The following NRK variants were observed in gnomAD, a reference collection of about 807,000 sequenced individuals.
NRK encodes the protein Nik related kinase.
In NRK, 67 loss-of-function variants were observed where a neutral mutation model predicts 125.2. The observed-to-expected ratio is 0.54, with a 90% CI of 0.44 to 0.66. The LOEUF (loss-of-function observed/expected upper bound fraction) is 0.66, where lower values mean the gene tolerates loss of function less well. Ranked by LOEUF, NRK falls within the 30% of genes least tolerant of loss-of-function variation. NRK has a pLI of 0.00. For missense variants in NRK, 1,224 were observed against 1,192.9 expected (o/e 1.03, Z -0.38); for synonymous variants, 458 against 429.0 (o/e 1.07, Z -0.84).
Position 105,934,308 on chromosome X carries a change from A to G in NRK, c.3363A>G (p.Ala1121=). ...CAAATGCCATTGACTCAGGTGCTGCACCGTCAGCACCTGATCATGAGAGTG... is the reference window on the plus strand; with the variant it reads ...CAAATGCCATTGACTCAGGTGCTGCGCCGTCAGCACCTGATCATGAGAGTG... The part of the protein sequence containing the change: ...EASNAIDSGA[A]PSAPDHESDN... Residue 1121 remains alanine, a synonymous_variant, in exon 20 of 29, where the codon GCA becomes GCG. Coordinates refer to ENST00000243300, the MANE Select transcript of NRK (RefSeq NM_198465.4). 10 of 1,181,267 alleles carry G rather than the reference A, an allele frequency of 8.5e-6. No homozygotes were observed. Among genetic ancestry groups the G allele is most frequent in the Non-Finnish European group, 1.1e-5 (10 of 872,707 alleles).
chrX:105,850,448 A>G (rs780846868), intron 2 of NRK, among the ~76,000 whole-genome samples: 7 of 112,248 alleles, frequency 6.2e-5, no homozygotes, highest in East Asian at 2.8e-4. Flanking sequence ...GCTCCTTGTT[A>G]CTTATGCAAA....
intron 5 of NRK, among the ~76,000 whole-genome samples, chrX:105,891,443 TTAG>T (rs1174530573): frequency 1.8e-5 from 2 of 112,270 alleles, no homozygotes; most frequent in Non-Finnish European, 3.8e-5. Context: ...CATGTCCAAG[TTAG>T]TAGTATTTTT....
At chrX:105,895,567 G>A in intron 7 of NRK, 44 bp downstream of exon 7, 1 of 823,873 alleles carries the variant, frequency 1.2e-6, no homozygotes, top group Non-Finnish European at 1.8e-6. Flanking sequence ...ACATCTTAAT[G>A]GAGAAAGCTC....
Position 105,924,793 on chromosome X carries a change from A to G in NRK, c.3074A>G (p.Asn1025Ser), listed in dbSNP as rs1363171684. 6 of 1,210,060 alleles carry G rather than the reference A, an allele frequency of 5.0e-6. No individual in the cohort carries two copies. The highest frequency in any genetic ancestry group is 6.7e-6 in the Non-Finnish European group (6 of 894,435). The change falls in exon 19 of 29, where the codon AAT (asparagine) becomes AGT (serine). Residue 1025 changes from asparagine (N) to serine (S), a missense_variant. Coordinates refer to ENST00000243300, the MANE Select transcript of NRK (RefSeq NM_198465.4). ...AGAGGCTATGGAAGCCATACAGCCA[A>G]TAGAAGCCATGGAGGAAGTGCAGCC... The part of the protein sequence containing the change: ...AYRGYGSHTA[N>S]RSHGGSAASE...
chrX:105,831,865 C>T (rs1344650513), intron 2 of NRK, among the ~76,000 whole-genome samples: 1 of 111,875 alleles, frequency 8.9e-6, no homozygotes, highest in East Asian at 2.8e-4. Flanking sequence ...GCGTAATGTA[C>T]AGACTTTTGT....
At chrX:105,854,856 T>C (rs1223183260) in intron 2 of NRK, among the ~76,000 whole-genome samples, 2 of 112,057 alleles carry the variant, frequency 1.8e-5, no homozygotes, top group Non-Finnish European at 3.8e-5. Flanking sequence ...TCTGCCACTT[T>C]GTGTGTGACC....
intron 22 of NRK, among the ~76,000 whole-genome samples, chrX:105,939,356 G>A (rs2040706567): frequency 9.0e-6 from 1 of 111,500 alleles, no homozygotes. Flanking sequence ...TAATATTAAC[G>A]ATAAATTTAG....
chrX:105,946,358 C>G lies in NRK; in HGVS notation c.4247C>G (p.Ala1416Gly), dbSNP rs533379617. The G allele has an allele frequency of 8.4e-7, 1 of 1,196,992 alleles. No homozygotes were observed. The highest frequency in any genetic ancestry group is 1.8e-5 in the African/African-American group (1 of 56,944). Residue 1416 changes from alanine (A) to glycine (G), a missense_variant, in exon 26 of 29, where the codon GCT becomes GGT. By Grantham distance (60) the Ala-to-Gly change is moderately conservative. Transcript: ENST00000243300. ...LDHKPVTVDL[A>G]IGSEKRLKIF... ...CATAAGCCAGTGACAGTTGACCTGGCTATTGGTTCTGAAAAAAGACTAAAG... is the reference window on the plus strand; with the variant it reads ...CATAAGCCAGTGACAGTTGACCTGGGTATTGGTTCTGAAAAAAGACTAAAG...
chrX:105,856,559 C>T (rs1409418938), intron 2 of NRK, among the ~76,000 whole-genome samples: 1 of 110,778 alleles, frequency 9.0e-6, no homozygotes, highest in Non-Finnish European at 1.9e-5. Flanking sequence ...AGGAGAAGAA[C>T]ATAATATACC....
chrX:105,879,368 C>T (rs1308625378), intron 2 of NRK, among the ~76,000 whole-genome samples: 1 of 110,802 alleles, frequency 9.0e-6, no homozygotes, highest in African/African-American at 3.3e-5. Flanking sequence ...CTATTTATTA[C>T]TCATAGTAAT....
chrX:105,913,936 T>C (rs1413681372), intron 14 of NRK, among the ~76,000 whole-genome samples: 8 of 111,063 alleles, frequency 7.2e-5, no homozygotes, highest in Admixed American at 6.8e-4. Flanking sequence ...TAGTATCCTA[T>C]TTAGAACATA....
intron 6 of NRK, chrX:105,895,232 T>G: frequency 3.8e-6 from 2 of 523,377 alleles, no homozygotes; most frequent in Non-Finnish European, 6.9e-6. Context: ...TTTCCTTTCC[T>G]TATAGCCAAA....
At chrX:105,862,463 G>A (rs1468659953) in intron 2 of NRK, among the ~76,000 whole-genome samples, 1 of 109,884 alleles carries the variant, frequency 9.1e-6, no homozygotes, top group African/African-American at 3.3e-5. Context: ...ACAAATTAAA[G>A]CTAATCATAA....
At chrX:105,875,700 A>G (rs2039806508) in intron 2 of NRK, among the ~76,000 whole-genome samples, 1 of 110,473 alleles carries the variant, frequency 9.1e-6, no homozygotes, top group South Asian at 3.8e-4. Flanking sequence ...TGAGTTTGAC[A>G]ACAAGACAAA....
intron 2 of NRK, among the ~76,000 whole-genome samples, chrX:105,870,986 GA>G (rs1003355032): frequency 1.8e-5 from 2 of 109,525 alleles, no homozygotes; most frequent in Non-Finnish European, 3.8e-5. Flanking sequence ...GGTATGTTAA[GA>G]AAAAAAAATG....
chrX:105,834,593 A>AT (rs1385432604), intron 2 of NRK, among the ~76,000 whole-genome samples: 2 of 109,663 alleles, frequency 1.8e-5, no homozygotes, highest in Non-Finnish European at 3.8e-5. Context: ...CTTTTCAAAT[A>AT]TTTTTTCTAC....
chrX:105,945,000 C>T (rs779095319), intron 24 of NRK, among the ~76,000 whole-genome samples: 6 of 111,783 alleles, frequency 5.4e-5, no homozygotes, highest in South Asian at 3.7e-4. Context: ...TATAATGCTC[C>T]AGAATTCTAC....
intron 2 of NRK, among the ~76,000 whole-genome samples, chrX:105,860,800 T>A (rs2039592079): frequency 9.0e-6 from 1 of 111,297 alleles, no homozygotes; most frequent in South Asian, 3.9e-4. Context: ...AATCAGGACA[T>A]TATTTTTTCT....
chrX:105,950,882 G>T (rs1043015122), intron 27 of NRK, among the ~76,000 whole-genome samples: 1 of 110,591 alleles, frequency 9.0e-6, no homozygotes, highest in Non-Finnish European at 1.9e-5. Flanking sequence ...ATGCTTCTGA[G>T]ATCTCTATAA....
Sources: gnomAD v4.1 joint callset for allele counts (sites outside exome capture counted in the v4.1 genomes callset) on GRCh38, gnomAD v4.1.1 for gene constraint, MANE v1.5 for transcripts, NCBI Gene and HGNC (gene_info 2026-07-23, HGNC 2026-07-21) for gene names.